NBAS: variants seen among roughly 807,000 people sequenced by gnomAD.
The protein encoded by NBAS is NBAS subunit of NRZ tethering complex.
Under a neutral mutation model 302.5 loss-of-function variants are expected in NBAS, and 219 were observed. That is an observed-to-expected ratio of 0.72 (90% CI 0.65 to 0.81). NBAS has a LOEUF of 0.81. NBAS is among the 30% of genes least tolerant of loss of function. The probability of loss-of-function intolerance (pLI) is 0.00; values close to 1 mark genes in which losing one functional copy is unlikely to be tolerated. For synonymous variants in NBAS, 1,118 were observed against 1,021.6 expected (o/e 1.09, Z -1.80); for missense variants, 2,932 against 2,841.6 (o/e 1.03, Z -0.72).
intron 49 of NBAS, 134 bp from the exon 50 acceptor site, chr2:15,187,014 C>A (rs948075767): frequency 3.4e-5 from 45 of 1,307,426 alleles, no homozygotes; most frequent in Non-Finnish European, 4.7e-5. Flanking sequence ...TTCAAGTCAA[C>A]CTTGTAGAAA....
chr2:15,475,651 C>T lies in NBAS; in HGVS notation c.1341+36G>A, dbSNP rs761408400. Reference sequence around the variant, plus strand: ...AGATATTTAAATTTTTGGTTAAATACATAACTATTCTCAAACAAACAGGAA... The same window carrying T: ...AGATATTTAAATTTTTGGTTAAATATATAACTATTCTCAAACAAACAGGAA... On this transcript the variant is annotated intron_variant, in intron 14 of 51. Coordinates refer to ENST00000281513, the MANE Select transcript of NBAS (RefSeq NM_015909.4). 1.8e-5 allele frequency: 28 copies of T among 1,599,022 alleles called. No homozygotes were observed. In the African/African-American group the frequency reaches 3.0e-4, roughly 17 times the overall value.
the NBAS span, among the ~76,000 whole-genome samples, chr2:14,976,360 A>T: frequency 6.6e-6 from 1 of 152,166 alleles, no homozygotes; most frequent in Admixed American, 6.5e-5. Context: ...ACAAATCTGC[A>T]TAAGGGATTT....
chr2:14,954,038 T>A, the NBAS span, among the ~76,000 whole-genome samples: 2 of 152,172 alleles, frequency 1.3e-5, no homozygotes, highest in African/African-American at 4.8e-5. Flanking sequence ...CCCTGCTTCA[T>A]TCTTAAGATT....
chr2:15,188,430 T>G (rs1455119596), intron 49 of NBAS, among the ~76,000 whole-genome samples: 1 of 152,218 alleles, frequency 6.6e-6, no homozygotes, highest in African/African-American at 2.4e-5. Flanking sequence ...TATTCAAAAG[T>G]ACTTCTGAGC....
chr2:15,088,653 T>C, the NBAS span, among the ~76,000 whole-genome samples: 1 of 152,224 alleles, frequency 6.6e-6, no homozygotes, highest in African/African-American at 2.4e-5. Context: ...CTCTGTAGGC[T>C]TTCCCTCGGT....
the NBAS span, among the ~76,000 whole-genome samples, chr2:14,798,782 C>T: frequency 3.3e-5 from 5 of 152,002 alleles, no homozygotes; most frequent in Non-Finnish European, 7.4e-5. Context: ...TTATCTACTT[C>T]TTCCTGAATG....
the NBAS span, among the ~76,000 whole-genome samples, chr2:15,015,285 C>A: frequency 2.5e-4 from 38 of 151,960 alleles, no homozygotes; most frequent in African/African-American, 8.2e-4. Flanking sequence ...TTTTACAAGG[C>A]CAGCAAAACT....
Position 15,362,461 on chromosome 2 carries a change from T to A in NBAS, c.3817+4119A>T, listed in dbSNP as rs572981611. The stretch of plus-strand genomic sequence containing the variant: ...AGTTCAAGATTACAGTGAGATATGA[T>A]CATCCCACTGCACTTCAGCCTGGGC... On this transcript the variant is annotated intron_variant, in intron 32 of 51. Transcript: ENST00000281513. Among the ~76,000 whole-genome samples the A allele has an allele frequency of 3.3e-5, 5 of 152,064 alleles. No homozygotes were observed. The South Asian group carries it at 1.0e-3, about 32-fold the overall frequency.
At chr2:15,363,896 C>T (rs953631289) in intron 32 of NBAS, among the ~76,000 whole-genome samples, 1 of 152,116 alleles carries the variant, frequency 6.6e-6, no homozygotes, top group Non-Finnish European at 1.5e-5. Flanking sequence ...ACTTCCAAGA[C>T]CATATCATAA....
rs527394923 is a variant in NBAS at position 15,171,818 on chromosome 2, C to T, written c.6841-4495G>A. ...CCTTACAAGAAGAGAAGACAGGACA[C>T]GCACACAAAGCAAGGGTCAGCCATG... On this transcript the variant is annotated intron_variant, in intron 51 of 51. Coordinates refer to ENST00000281513, the MANE Select transcript of NBAS (RefSeq NM_015909.4). 4.6e-5 allele frequency among the ~76,000 whole-genome samples: 7 copies of T among 152,302 alleles called. 1 individual carries two copies. The South Asian group carries it at 1.0e-3, about 23-fold the overall frequency.
At chr2:15,374,552 T>C in intron 31 of NBAS, 56 bp downstream of exon 31, 4 of 1,412,654 alleles carry the variant, frequency 2.8e-6, no homozygotes, top group Non-Finnish European at 4.0e-6. Context: ...AAAAGAATAC[T>C]AGTAAATTGC....
chr2:15,188,830 T>C (rs994841166), intron 49 of NBAS, among the ~76,000 whole-genome samples: 6 of 152,232 alleles, frequency 3.9e-5, no homozygotes, highest in Non-Finnish European at 8.8e-5. Flanking sequence ...AGGTGTCATA[T>C]TTTGAATTGG....
At chr2:15,039,774 G>T in the NBAS span, among the ~76,000 whole-genome samples, 1 of 152,160 alleles carries the variant, frequency 6.6e-6, no homozygotes, top group Non-Finnish European at 1.5e-5. Context: ...AATTCCTTCC[G>T]GCAGCCTCTG....
At chr2:15,030,840 C>T in the NBAS span, among the ~76,000 whole-genome samples, 14 of 152,140 alleles carry the variant, frequency 9.2e-5, no homozygotes, top group Admixed American at 5.2e-4. Flanking sequence ...ATATCACCCC[C>T]TCTCCTCCCA....
At chr2:15,541,021 G>T (rs530222775) in intron 6 of NBAS, among the ~76,000 whole-genome samples, 2 of 152,160 alleles carry the variant, frequency 1.3e-5, no homozygotes, top group South Asian at 2.1e-4. Context: ...ACCGCACCCC[G>T]CCCATACGTG....
chr2:15,285,945 C>T (rs1670021462), intron 42 of NBAS, among the ~76,000 whole-genome samples: 3 of 152,194 alleles, frequency 2.0e-5, no homozygotes, highest in Admixed American at 2.0e-4. Flanking sequence ...CAGGCGTGAG[C>T]CATGGCGCCT....
chr2:14,811,435 G>A, the NBAS span, among the ~76,000 whole-genome samples: 38 of 152,044 alleles, frequency 2.5e-4, no homozygotes, highest in South Asian at 5.2e-3. Context: ...TAAGGTTTTC[G>A]GAATCCATTT....
chr2:15,292,765 G>A lies in NBAS; in HGVS notation c.4799C>T (p.Ala1600Val). ...FRDKCHPLYRADPKELIKMVT... is the reference protein window; with the variant it reads ...FRDKCHPLYRVDPKELIKMVT... ...CATCTTGATTAGTTCTTTGGGATCA[G>A]CCTATGAAAGACATGGAAAAGAAGA... Residue 1600 changes from alanine (A) to valine (V), a missense_variant and splice_region_variant, in exon 41 of 52, where the codon GCT becomes GTT. Ala to Val is a moderately conservative substitution (Grantham distance 64). Transcript: ENST00000281513. 6.2e-7 allele frequency: 1 copy of A among 1,613,952 alleles called. No homozygotes were observed. The highest frequency in any genetic ancestry group is 1.3e-5 in the African/African-American group (1 of 75,024).
the NBAS span, among the ~76,000 whole-genome samples, chr2:14,835,138 T>G: frequency 6.6e-6 from 1 of 152,002 alleles, no homozygotes. Flanking sequence ...CTCACCTATT[T>G]GCGAAATTCA....
Sources: gnomAD v4.1 joint callset for allele counts (sites outside exome capture counted in the v4.1 genomes callset) on GRCh38, gnomAD v4.1.1 for gene constraint, MANE v1.5 for transcripts, NCBI Gene and HGNC (gene_info 2026-07-23, HGNC 2026-07-21) for gene names.